RNMT: variants seen among roughly 807,000 people sequenced by gnomAD.
RNMT encodes mRNA cap guanine-N(7) methyltransferase.
In RNMT, 27 loss-of-function variants were observed where a neutral mutation model predicts 56.0. The observed-to-expected ratio is 0.48, with a 90% CI of 0.36 to 0.67. The LOEUF is 0.67. Among genes scored for constraint, RNMT ranks in the 30% least tolerant of loss-of-function variants. RNMT has a pLI of 0.00. For synonymous variants in RNMT, 184 were observed against 176.2 expected (o/e 1.04, Z -0.35); for missense variants, 519 against 552.1 (o/e 0.94, Z 0.60).
At position 13,762,582 on chromosome 18, in the gene RNMT, A is replaced by T. The variant is rs2149112583; in HGVS notation, c.*2603A>T. On this transcript the variant is annotated 3_prime_UTR_variant, in exon 12 of 12. Transcript: ENST00000383314. Reference sequence around the variant, plus strand: ...CAATCTTGAAATGACTGAAAGGTAGATTGCCAGCACAGTGAGTTTCCCAGC... The same window carrying T: ...CAATCTTGAAATGACTGAAAGGTAGTTTGCCAGCACAGTGAGTTTCCCAGC... The T allele has an allele frequency of 5.1e-6, 1 of 196,994 alleles. No individual in the cohort carries two copies. Among genetic ancestry groups the T allele is most frequent in the East Asian group, 1.4e-4 (1 of 6,984 alleles). The allele number at this position is 196,994 out of a possible 1,614,324, so 12.2% of individuals were successfully genotyped here. A position where few individuals can be genotyped will look rare whatever the true frequency, so the allele number is the denominator to read the frequency against.
chr18:13,745,842 G>C (rs1257936297), intron 8 of RNMT, among the ~76,000 whole-genome samples: 5 of 152,182 alleles, frequency 3.3e-5, no homozygotes, highest in South Asian at 4.1e-4. Context: ...GAGAAGTCGA[G>C]ATGAAAGTGA....
chr18:13,758,953 A>G (rs1255830909), intron 11 of RNMT, among the ~76,000 whole-genome samples: 1 of 151,914 alleles, frequency 6.6e-6, no homozygotes, highest in African/African-American at 2.4e-5. Flanking sequence ...AGAGGGAGGG[A>G]GAGAGATGAG....
intron 8 of RNMT, among the ~76,000 whole-genome samples, chr18:13,744,115 AAC>A (rs2044305926): frequency 7.4e-6 from 1 of 135,566 alleles, no homozygotes; most frequent in East Asian, 2.0e-4. Context: ...AAGATAATAA[AAC>A]AAAAGATTTG....
intron 8 of RNMT, among the ~76,000 whole-genome samples, chr18:13,745,415 G>A (rs1018882734): frequency 3.3e-5 from 5 of 152,152 alleles, no homozygotes; most frequent in Non-Finnish European, 7.3e-5. Flanking sequence ...GTAAGAAGTG[G>A]ACCTATTTGA....
In RNMT at chr18:13,741,598, A is replaced by G. The variant is rs1420793689; in HGVS notation, c.881A>G (p.Tyr294Cys). The change falls in exon 7 of 12, where the codon TAT (tyrosine) becomes TGT (cysteine). Residue 294 changes from tyrosine to cysteine, a missense_variant. Coordinates refer to ENST00000383314, the MANE Select transcript of RNMT (RefSeq NM_003799.3). ...QFVCHYSFESYEQADMMLRNA... is the reference protein window; with the variant it reads ...QFVCHYSFESCEQADMMLRNA... ...GTCTGTCATTACTCATTTGAGTCTT[A>G]TGAGCAGGCTGACATGATGCTGAGA... 11 of 1,613,892 alleles carry G rather than the reference A, an allele frequency of 6.8e-6. No homozygotes were observed. The highest frequency in any genetic ancestry group is 2.7e-5 in the African/African-American group (2 of 74,930).
chr18:13,751,400 A>C (rs1302318488), intron 9 of RNMT, among the ~76,000 whole-genome samples: 1 of 152,260 alleles, frequency 6.6e-6, no homozygotes, highest in Admixed American at 6.5e-5. Context: ...AGAAATGCAA[A>C]TCAAAACCAC....
chr18:13,737,175 C>A, intron 5 of RNMT, 40 bp downstream of exon 5: 1 of 1,504,362 alleles, frequency 6.6e-7, no homozygotes, highest in South Asian at 1.2e-5. Flanking sequence ...AATTTGTAGT[C>A]AGATAAATGG....
chr18:13,733,558 A>G (rs1008790730), intron 3 of RNMT, among the ~76,000 whole-genome samples: 1 of 152,100 alleles, frequency 6.6e-6, no homozygotes, highest in East Asian at 1.9e-4. Flanking sequence ...TTGTATTTTT[A>G]GTAGAGATAG....
intron 3 of RNMT, among the ~76,000 whole-genome samples, chr18:13,733,385 T>A (rs972164911): frequency 6.6e-6 from 1 of 152,168 alleles, no homozygotes; most frequent in Non-Finnish European, 1.5e-5. Context: ...TGAATTCTAA[T>A]CTCTCTTTTT....
chr18:13,742,763 G>T, intron 8 of RNMT, 111 bp downstream of exon 8: 1 of 740,272 alleles, frequency 1.4e-6, no homozygotes, highest in Non-Finnish European at 2.1e-6. Flanking sequence ...TAAAGAAAAA[G>T]TATAATCTTG....
rs1555794897 is a variant in RNMT at position 13,744,156 on chromosome 18, C to CTTTTTTTTTTTTTTTTTTTT, written c.1139+1506_1139+1507insTTTTTTTTTTTTTTTTTTTT. Among the ~76,000 whole-genome samples the CTTTTTTTTTTTTTTTTTTTT allele has an allele frequency of 1.2e-4, 3 of 25,948 alleles. 1 individual carries two copies. The highest frequency in any genetic ancestry group is 3.0e-4 in the African/African-American group (2 of 6,682). 17.0% of individuals were successfully genotyped at this position (25,948 alleles called of 152,430 possible). ...TAAATGCTAAACAAGACCTAGCGGT[C>CTTTTTTTTTTTTTTTTTTTT]TTCTTTTTTTTTTTTTTTTTTTTTT... On this transcript the variant is annotated intron_variant, in intron 8 of 11. Transcript: ENST00000383314.
rs1053727243 is a variant in RNMT at position 13,751,639 on chromosome 18, A to G, written c.1258-687A>G. On this transcript the variant is annotated intron_variant, in intron 9 of 11. Transcript: ENST00000383314. Reference sequence around the variant, plus strand: ...TGGGTGTATACCCAAAGGATTATAAATCATGCTGCTACAAAGACACATGCA... The same window carrying G: ...TGGGTGTATACCCAAAGGATTATAAGTCATGCTGCTACAAAGACACATGCA... Among the ~76,000 whole-genome samples the G allele has an allele frequency of 6.6e-5, 10 of 152,314 alleles. No homozygotes were observed. In the South Asian group the frequency reaches 2.1e-3, roughly 32 times the overall value.
At chr18:13,732,916 C>G (rs975674807) in intron 3 of RNMT, among the ~76,000 whole-genome samples, 1 of 151,698 alleles carries the variant, frequency 6.6e-6, no homozygotes, top group Non-Finnish European at 1.5e-5. Flanking sequence ...TGCCCACCAC[C>G]ATGCCTGGCT....
In RNMT at chr18:13,760,925, AACTG is replaced by A. The variant is rs548459383; in HGVS notation, c.*951_*954del. 11 of 985,362 alleles carry A rather than the reference AACTG, an allele frequency of 1.1e-5. No homozygotes were observed. The highest frequency in any genetic ancestry group is 6.1e-5 in the Admixed American group (1 of 16,270). 61.0% of individuals were successfully genotyped at this position (985,362 alleles called of 1,614,324 possible). The stretch of plus-strand genomic sequence containing the variant: ...CCATTGTTAAAGTTGTCACTTGTGT[AACTG>A]ACTGCTTTTCCAAAACTGGTACTTA... On this transcript the variant is annotated 3_prime_UTR_variant, in exon 12 of 12. Transcript: ENST00000383314.
intron 11 of RNMT, 84 bp from the exon 12 acceptor site, chr18:13,759,857 AT>A: frequency 8.0e-7 from 1 of 1,250,538 alleles, no homozygotes; most frequent in South Asian, 1.3e-5. Context: ...GAGCCTAAGA[AT>A]TTTCACCAAA....
At chr18:13,742,089 A>G (rs2044260473) in intron 7 of RNMT, among the ~76,000 whole-genome samples, 1 of 152,218 alleles carries the variant, frequency 6.6e-6, no homozygotes, top group African/African-American at 2.4e-5. Context: ...CTATAATCCT[A>G]GCACTTTGGG....
chr18:13,738,535 A>G (rs2044202715), intron 5 of RNMT, among the ~76,000 whole-genome samples: 1 of 152,210 alleles, frequency 6.6e-6, no homozygotes, highest in South Asian at 2.1e-4. Flanking sequence ...ACAATATGGA[A>G]TCTGAAACCT....
rs201093998 is a variant in RNMT at position 13,744,159 on chromosome 18, CTTTTTTTTTTTTT to C, written c.1139+1521_1139+1533del. On this transcript the variant is annotated intron_variant, in intron 8 of 11. Coordinates refer to ENST00000383314, the MANE Select transcript of RNMT (RefSeq NM_003799.3). ...ATGCTAAACAAGACCTAGCGGTCTT[CTTTTTTTTTTTTT>C]TTTTTTTTTTTTTGACTTAAATTGC... 3.1e-3 allele frequency among the ~76,000 whole-genome samples: 283 copies of C among 91,422 alleles called. 6 individuals carry two copies. In the East Asian group the frequency reaches 0.032, roughly 10 times the overall value. The allele number at this position is 91,422 out of a possible 152,430, so 60.0% of individuals were successfully genotyped here. A position where few individuals can be genotyped will look rare whatever the true frequency, so the allele number is the denominator to read the frequency against.
intron 3 of RNMT, among the ~76,000 whole-genome samples, chr18:13,733,948 A>G (rs2044116564): frequency 1.3e-5 from 2 of 152,244 alleles, no homozygotes; most frequent in Non-Finnish European, 2.9e-5. Context: ...GTCCCTACCC[A>G]GATCTCATCT....
Sources: allele counts gnomAD v4.1 joint callset (sites outside exome capture counted in the v4.1 genomes callset), GRCh38; gene constraint gnomAD v4.1.1; transcripts MANE v1.5; gene names NCBI Gene and HGNC (gene_info 2026-07-23, HGNC 2026-07-21).